The following CENPE variants were observed in gnomAD, a reference collection of about 807,000 sequenced individuals.
CENPE encodes the protein centromere-associated protein E.
In CENPE, 145 loss-of-function variants were observed where a neutral mutation model predicts 336.1. The ratio of observed to expected loss-of-function variants is 0.43; its 90% CI spans 0.38 to 0.50. The LOEUF is 0.50. Ranked by LOEUF, CENPE falls within the 20% of genes least tolerant of loss-of-function variation. CENPE has a pLI of 0.00. For missense variants in CENPE, 2,719 were observed against 3,023.3 expected, an observed-to-expected ratio of 0.90 and a Z score of 2.36; for synonymous variants, 1,013 against 984.8, an observed-to-expected ratio of 1.03 and a Z score of -0.54.
At chr4:103,160,567 T>G (rs531383519) in intron 21 of CENPE, 58 bp downstream of exon 21, 329 of 1,424,192 alleles carry the variant, frequency 2.3e-4, no homozygotes, top group Admixed American at 7.8e-4. Flanking sequence ...TTTAAGGCAC[T>G]ATTATCGCAA....
At chr4:103,180,042 C>A (rs1454644091) in intron 13 of CENPE, among the ~76,000 whole-genome samples, 1 of 152,152 alleles carries the variant, frequency 6.6e-6, no homozygotes. Context: ...GGCTTCCAAT[C>A]ACCCAGTTTC....
chr4:103,128,709 G>A (rs2125886639), intron 42 of CENPE, among the ~76,000 whole-genome samples: 1 of 152,254 alleles, frequency 6.6e-6, no homozygotes, highest in East Asian at 1.9e-4. Flanking sequence ...ATCAGTATCT[G>A]TGGGATGCAG....
intron 1 of CENPE, among the ~76,000 whole-genome samples, chr4:103,197,229 T>C (rs543828711): frequency 4.0e-4 from 61 of 152,368 alleles, no homozygotes; most frequent in Admixed American, 3.8e-3. Context: ...TCTGAATTCC[T>C]AGATACATCC....
intron 42 of CENPE, among the ~76,000 whole-genome samples, chr4:103,132,216 C>A (rs1396019697): frequency 6.6e-6 from 1 of 152,034 alleles, no homozygotes; most frequent in Non-Finnish European, 1.5e-5. Context: ...TATAAGAGAA[C>A]TCTCTGTACT....
chr4:103,143,723 CCT>C (rs1359434411), intron 33 of CENPE, among the ~76,000 whole-genome samples: 4 of 152,086 alleles, frequency 2.6e-5, no homozygotes, highest in African/African-American at 9.7e-5. Flanking sequence ...TAGAATTTTC[CCT>C]GTTTTTGTTT....
At chr4:103,128,330 A>C (rs1036511128) in intron 42 of CENPE, among the ~76,000 whole-genome samples, 1 of 152,210 alleles carries the variant, frequency 6.6e-6, no homozygotes, top group Admixed American at 6.5e-5. Context: ...TGGAGACTTC[A>C]ACGCCTCTCT....
chr4:103,187,800 A>G lies in CENPE; in HGVS notation c.694-1939T>C, dbSNP rs563098149. Among the ~76,000 whole-genome samples the G allele has an allele frequency of 9.0e-4, 137 of 152,362 alleles. 2 individuals carry two copies. The South Asian group carries it at 0.013, about 15-fold the overall frequency. On this transcript the variant is annotated intron_variant, in intron 8 of 48. Transcript: ENST00000265148. The stretch of plus-strand genomic sequence containing the variant: ...CAGGATCAAATTCACACATAACAAT[A>G]TTAACTTTAAATGTAAATAGGCTAA...
At chr4:103,144,648 TA>T (rs755381560) in intron 32 of CENPE, 30 bp from the exon 33 acceptor site, 129 of 1,486,820 alleles carry the variant, frequency 8.7e-5, no homozygotes, top group Non-Finnish European at 1.0e-5. Context: ...AGTTACAACA[TA>T]GGCAGAATTT....
intron 12 of CENPE, 74 bp from the exon 13 acceptor site, chr4:103,180,543 A>G: frequency 1.1e-6 from 1 of 951,730 alleles, no homozygotes; most frequent in Non-Finnish European, 1.5e-6. Context: ...AGCATAAAAG[A>G]ATAAAATATT....
At chr4:103,191,457 T>A (rs963538189) in intron 8 of CENPE, among the ~76,000 whole-genome samples, 43 of 152,154 alleles carry the variant, frequency 2.8e-4, no homozygotes, top group East Asian at 9.6e-4. Flanking sequence ...ACCATGAAAT[T>A]CTATGCAGCC....
In CENPE at chr4:103,144,513, T is replaced by C. The variant is rs1752847876; in HGVS notation, c.4963A>G (p.Thr1655Ala). 1 of 1,613,960 alleles carries C rather than the reference T, an allele frequency of 6.2e-7. No individual in the cohort carries two copies. Among genetic ancestry groups the C allele is most frequent in the Admixed American group, 1.7e-5 (1 of 60,002 alleles). The part of the protein sequence containing the change: ...EIEHLKEQFE[T>A]QKLNLENIET... ...ATGTTTTCCAGGTTTAACTTCTGGG[T>C]CTCAAATTGCTCCTTCAAGTGTTCT... Residue 1655 changes from threonine to alanine, a missense_variant, in exon 33 of 49, where the codon ACC (threonine) becomes GCC (alanine). By Grantham distance (58) the Thr-to-Ala change is moderately conservative (BLOSUM62 0). Coordinates refer to ENST00000265148, the MANE Select transcript of CENPE (RefSeq NM_001813.3).
chr4:103,114,094 A>T (rs1490746876), intron 46 of CENPE, among the ~76,000 whole-genome samples: 2 of 152,178 alleles, frequency 1.3e-5, no homozygotes, highest in Non-Finnish European at 2.9e-5. Flanking sequence ...TATTAGATGC[A>T]TACAATTAAA....
chr4:103,174,666 T>C (rs1755701837), intron 16 of CENPE, 70 bp downstream of exon 16: 1 of 1,138,276 alleles, frequency 8.8e-7, no homozygotes, highest in East Asian at 3.0e-5. Flanking sequence ...AAGCTTACAT[T>C]ATAGAAAAAA....
chr4:103,183,213 T>C lies in CENPE; in HGVS notation c.821A>G (p.Asp274Gly). The C allele has an allele frequency of 6.2e-7, 1 of 1,612,692 alleles. No individual in the cohort carries two copies. Among genetic ancestry groups the C allele is most frequent in the Non-Finnish European group, 8.5e-7 (1 of 1,179,102 alleles). Residue 274 changes from aspartate to glycine, a missense_variant, in exon 10 of 49, where the codon GAT becomes GGT. Asp to Gly is a moderately conservative substitution (Grantham distance 94). Around this residue, in one of 5 missense-constraint regions of CENPE, gnomAD observed 117 missense variants for 215.8 expected, o/e 0.54. Coordinates refer to ENST00000265148, the MANE Select transcript of CENPE (RefSeq NM_001813.3). ...ILGQVIKKLS[D>G]GQVGGFINYR... ...GGGATAAACTTACCCAACTTGTCCATCACTAAGTTTCTTGATCACTTGTCC... is the reference window on the plus strand; with the variant it reads ...GGGATAAACTTACCCAACTTGTCCACCACTAAGTTTCTTGATCACTTGTCC...
At chr4:103,117,262 C>T (rs1460953704) in intron 44 of CENPE, among the ~76,000 whole-genome samples, 1 of 152,164 alleles carries the variant, frequency 6.6e-6, no homozygotes, top group Non-Finnish European at 1.5e-5. Flanking sequence ...ATATTAACAT[C>T]ATGCATTAGT....
At chr4:103,162,479 AT>A (rs1754533422) in intron 18 of CENPE, among the ~76,000 whole-genome samples, 2 of 152,196 alleles carry the variant, frequency 1.3e-5, no homozygotes, top group Non-Finnish European at 2.9e-5. Flanking sequence ...TTGTGAAAAA[AT>A]ATCCCAGTTT....
At chr4:103,128,594 A>G (rs1751327713) in intron 42 of CENPE, among the ~76,000 whole-genome samples, 1 of 152,240 alleles carries the variant, frequency 6.6e-6, no homozygotes, top group South Asian at 2.1e-4. Flanking sequence ...ATCCCTGGAT[A>G]ATTAGAGATT....
At chr4:103,140,481 A>C in intron 36 of CENPE, 67 bp from the exon 37 acceptor site, 1 of 1,114,402 alleles carries the variant, frequency 9.0e-7, no homozygotes, top group Non-Finnish European at 1.3e-6. Context: ...TTAATGATTG[A>C]GTTTAAACAA....
Position 103,141,790 on chromosome 4 carries a change from T to C in CENPE, c.5423A>G (p.Gln1808Arg). The change falls in exon 35 of 49, where the codon CAA becomes CGA. Residue 1808 changes from glutamine to arginine, a missense_variant. Gln to Arg is a conservative substitution (Grantham distance 43). Coordinates refer to ENST00000265148, the MANE Select transcript of CENPE (RefSeq NM_001813.3). ...AGCATTTGAATTTTCTAAATCTTTT[T>C]GCATATTTGATAGTTTATCTGTCTT... ...SEKTDKLSNM[Q>R]KDLENSNAKL... 2 of 1,555,216 alleles carry C rather than the reference T, an allele frequency of 1.3e-6. No homozygotes were observed. Among genetic ancestry groups the C allele is most frequent in the South Asian group, 1.2e-5 (1 of 85,984 alleles).
Sources: gnomAD v4.1 joint callset for allele counts (sites outside exome capture counted in the v4.1 genomes callset) on GRCh38, gnomAD v4.1.1 for gene constraint, gnomAD v4.1.1 regional missense constraint, MANE v1.5 for transcripts, NCBI Gene and HGNC (gene_info 2026-07-23, HGNC 2026-07-21) for gene names.